Variants in CHST11 observed in about 807,000 individuals in gnomAD.
CHST11 encodes the protein carbohydrate sulfotransferase 11, also known as C4S-1.
Under a neutral mutation model 30.4 loss-of-function variants are expected in CHST11, and 9 were observed. The ratio of observed to expected loss-of-function variants is 0.30; its 90% CI spans 0.18 to 0.52. The LOEUF (loss-of-function observed/expected upper bound fraction) is 0.52. Among genes scored for constraint, CHST11 ranks in the 20% least tolerant of loss-of-function variants. The pLI is 0.97. For missense variants in CHST11, 348 were observed against 460.6 expected, an observed-to-expected ratio of 0.76 and a Z score of 2.24; for synonymous variants, 152 against 187.8, an observed-to-expected ratio of 0.81 and a Z score of 1.56.
chr12:104,666,353 T>A (rs1324467077), intron 2 of CHST11, among the ~76,000 whole-genome samples: 15 of 152,192 alleles, frequency 9.9e-5, no homozygotes, highest in Non-Finnish European at 1.5e-5. Flanking sequence ...TAATAAAGAT[T>A]TTTATTTGTT....
chr12:104,703,782 T>C (rs895664876), intron 2 of CHST11, among the ~76,000 whole-genome samples: 12 of 152,230 alleles, frequency 7.9e-5, no homozygotes, highest in African/African-American at 2.9e-4. Flanking sequence ...GCACATGCCT[T>C]TGCCTTGCTG....
At chr12:104,461,754 T>A (rs1160082596) in intron 1 of CHST11, among the ~76,000 whole-genome samples, 3 of 152,240 alleles carry the variant, frequency 2.0e-5, no homozygotes, top group African/African-American at 7.2e-5. Context: ...ATATCCTTTA[T>A]TTAAAGATGT....
chr12:104,713,706 C>G (rs566010821), intron 2 of CHST11, among the ~76,000 whole-genome samples: 2 of 152,224 alleles, frequency 1.3e-5, no homozygotes, highest in African/African-American at 4.8e-5. Context: ...CCACACCGGG[C>G]TATGTGTTTC....
At chr12:104,548,992 T>C (rs1315746131) in intron 1 of CHST11, among the ~76,000 whole-genome samples, 1 of 152,230 alleles carries the variant, frequency 6.6e-6, no homozygotes, top group East Asian at 1.9e-4. Flanking sequence ...ATATCATAAA[T>C]TGACCTGGTC....
chr12:104,659,138 G>T (rs2039573361), intron 2 of CHST11, among the ~76,000 whole-genome samples: 1 of 152,218 alleles, frequency 6.6e-6, no homozygotes, highest in South Asian at 2.1e-4. Context: ...GATGTGTCTG[G>T]ATCCGTGCTC....
chr12:104,703,498 C>A (rs925329692), intron 2 of CHST11, among the ~76,000 whole-genome samples: 4 of 152,210 alleles, frequency 2.6e-5, no homozygotes, highest in East Asian at 1.9e-4. Context: ...CACTTCCCCC[C>A]ACCCCGGCTG....
intron 2 of CHST11, among the ~76,000 whole-genome samples, chr12:104,652,838 C>T (rs1205479719): frequency 6.6e-6 from 1 of 152,154 alleles, no homozygotes; most frequent in African/African-American, 2.4e-5. Flanking sequence ...AGGACAGTCT[C>T]ATCCTGGCCA....
intron 2 of CHST11, among the ~76,000 whole-genome samples, chr12:104,663,218 T>C (rs543409210): frequency 2.6e-5 from 4 of 152,376 alleles, no homozygotes; most frequent in African/African-American, 9.6e-5. Context: ...TCCGTGCGAC[T>C]TCCATCTCGT....
chr12:104,556,015 C>T (rs2038450978), intron 1 of CHST11, among the ~76,000 whole-genome samples: 3 of 152,002 alleles, frequency 2.0e-5, no homozygotes, highest in Admixed American at 1.3e-4. Context: ...AACACTTGAC[C>T]GAGGCAGCTC....
At chr12:104,576,603 G>T (rs1475435920) in intron 1 of CHST11, among the ~76,000 whole-genome samples, 2 of 152,226 alleles carry the variant, frequency 1.3e-5, no homozygotes, top group African/African-American at 2.4e-5. Context: ...TGGAGAGCAA[G>T]AGCTGGGAGC....
intron 1 of CHST11, among the ~76,000 whole-genome samples, chr12:104,551,565 G>A (rs946510181): frequency 6.6e-5 from 10 of 152,074 alleles, no homozygotes; most frequent in Non-Finnish European, 1.5e-4. Flanking sequence ...TCCGACTTGC[G>A]CTGTGCCAGT....
Position 104,620,878 on chromosome 12 carries a change from T to C in CHST11, c.204+18887T>C, listed in dbSNP as rs531089075. ...AATGACAGTCAATTGCAATTGATAA[T>C]TGAGTCTCCTTCCCCAGGATATTAA... On this transcript the variant is annotated intron_variant, in intron 2 of 2. Transcript: ENST00000303694. Among the ~76,000 whole-genome samples, 150 of 152,260 alleles carry C rather than the reference T, an allele frequency of 9.9e-4. 1 individual carries two copies. The highest frequency in any genetic ancestry group is 3.2e-3 in the African/African-American group (131 of 41,546).
At chr12:104,638,209 A>G (rs1438905483) in intron 2 of CHST11, among the ~76,000 whole-genome samples, 4 of 152,240 alleles carry the variant, frequency 2.6e-5, no homozygotes, top group East Asian at 1.9e-4. Flanking sequence ...GAGAGAAAGA[A>G]AAAGAACAGA....
intron 2 of CHST11, among the ~76,000 whole-genome samples, chr12:104,611,513 G>A (rs1041096640): frequency 6.6e-6 from 1 of 152,200 alleles, no homozygotes; most frequent in Non-Finnish European, 1.5e-5. Context: ...TATTCATCTT[G>A]GGGTGTCCAG....
chr12:104,643,048 G>T (rs2039392684), intron 2 of CHST11, among the ~76,000 whole-genome samples: 1 of 152,222 alleles, frequency 6.6e-6, no homozygotes, highest in African/African-American at 2.4e-5. Flanking sequence ...TGTAGGCTGG[G>T]CATGGTGGTG....
chr12:104,515,664 C>T (rs2038015493), intron 1 of CHST11, among the ~76,000 whole-genome samples: 1 of 152,070 alleles, frequency 6.6e-6, no homozygotes, highest in Non-Finnish European at 1.5e-5. Flanking sequence ...TAAGATAATA[C>T]ACAAATAAAA....
intron 1 of CHST11, among the ~76,000 whole-genome samples, chr12:104,510,105 C>G (rs1223912274): frequency 6.6e-6 from 1 of 152,346 alleles, no homozygotes; most frequent in East Asian, 1.9e-4. Flanking sequence ...CACTTCTTCT[C>G]CCATTCCACT....
intron 2 of CHST11, among the ~76,000 whole-genome samples, chr12:104,753,946 G>A (rs1464186503): frequency 6.6e-6 from 1 of 152,080 alleles, no homozygotes; most frequent in East Asian, 1.9e-4. Context: ...GCCAAGAAAG[G>A]CCCAGGCCCC....
chr12:104,687,935 C>T (rs2039863934), intron 2 of CHST11, among the ~76,000 whole-genome samples: 1 of 152,116 alleles, frequency 6.6e-6, no homozygotes, highest in African/African-American at 2.4e-5. Context: ...GTGAGGGTGG[C>T]GGTTGTTATT....
Sources: gnomAD v4.1 joint callset for allele counts (sites outside exome capture counted in the v4.1 genomes callset) on GRCh38, gnomAD v4.1.1 for gene constraint, MANE v1.5 for transcripts, NCBI Gene and HGNC (gene_info 2026-07-23, HGNC 2026-07-21) for gene names.